Variants in SPATA9 observed in about 807,000 individuals in gnomAD.
The protein encoded by SPATA9 is spermatogenesis associated 9.
A neutral mutation model predicts 25.5 loss-of-function variants in SPATA9; 27 were observed. The ratio of observed to expected loss-of-function variants is 1.06; its 90% confidence interval spans 0.78 to 1.46. The LOEUF is 1.46. Among genes scored for constraint, SPATA9 ranks in the 40% most tolerant of loss-of-function variants. The pLI, the probability that SPATA9 is intolerant of heterozygous loss-of-function variation, is 0.00. For missense variants in SPATA9, 282 were observed against 297.5 expected (o/e 0.95, Z 0.38); for synonymous variants, 102 against 105.7 (o/e 0.97, Z 0.21).
intron 1 of SPATA9, among the ~76,000 whole-genome samples, chr5:95,693,633 T>C (rs575099871): frequency 1.3e-5 from 2 of 152,344 alleles, no homozygotes; most frequent in African/African-American, 4.8e-5. Context: ...GAATGTTTGA[T>C]ACCTGCATTC....
downstream of SPATA9, chr5:95,652,310 C>A: frequency 6.5e-7 from 1 of 1,550,370 alleles, no homozygotes; most frequent in Non-Finnish European, 8.7e-7. Flanking sequence ...GACCTTCTTC[C>A]TTATCTACAC....
At chr5:95,687,813 A>C (rs1415225830), upstream of SPATA9, among the ~76,000 whole-genome samples, 1 of 152,194 alleles carries the variant, frequency 6.6e-6, no homozygotes, top group African/African-American at 2.4e-5. Flanking sequence ...TGTTTCCCCT[A>C]TCAGATTATA....
At position 95,663,953 on chromosome 5, in the gene SPATA9, CAAAT is replaced by C; in HGVS notation, c.470_473del (p.Tyr157TrpfsTer9). The C allele has an allele frequency of 6.6e-7, 1 of 1,507,314 alleles. No individual in the cohort carries two copies. The highest frequency in any genetic ancestry group is 9.0e-7 in the Non-Finnish European group (1 of 1,114,850). The allele number at this position is 1,507,314 out of a possible 1,614,324, so 93.4% of individuals were successfully genotyped here. A position where few individuals can be genotyped will look rare whatever the true frequency, so the allele number is the denominator to read the frequency against. ...GATTCTAATAATTTTCTTAACTTACCAAATAAATTAGTGCTGCATATGAAGCATA... is the reference window on the plus strand; with the variant it reads ...GATTCTAATAATTTTCTTAACTTACCAAATTAGTGCTGCATATGAAGCATA... On this transcript the variant is annotated frameshift_variant and splice_region_variant, in exon 4 of 5. Transcript: ENST00000274432. LOFTEE classifies it high-confidence loss of function.
intron 2 of SPATA9, among the ~76,000 whole-genome samples, chr5:95,678,457 C>T (rs756183520): frequency 2.6e-5 from 4 of 152,144 alleles, no homozygotes; most frequent in Non-Finnish European, 5.9e-5. Context: ...CCAGGAAGAA[C>T]GATTTAGTAA....
At chr5:95,723,325 C>T in the SPATA9 span, among the ~76,000 whole-genome samples, 1 of 152,376 alleles carries the variant, frequency 6.6e-6, no homozygotes, top group Non-Finnish European at 1.5e-5. Flanking sequence ...TCTAGATTCT[C>T]ACTTGGACTT....
chr5:95,670,615 T>A (rs918373234), intron 3 of SPATA9: 9 of 153,036 alleles, frequency 5.9e-5, no homozygotes, highest in African/African-American at 1.9e-4. Context: ...CTTTCACCCC[T>A]TTTACTTCCC....
intron 1 of SPATA9, chr5:95,698,534 G>A (rs1754096892): frequency 6.6e-6 from 1 of 152,112 alleles, no homozygotes; most frequent in Non-Finnish European, 1.5e-5. Context: ...CACTCCTAAG[G>A]GCACCAATGT....
At chr5:95,705,579 T>G in the SPATA9 span, among the ~76,000 whole-genome samples, 1 of 152,198 alleles carries the variant, frequency 6.6e-6, no homozygotes, top group African/African-American at 2.4e-5. Flanking sequence ...GGTAATAATG[T>G]GTATGAAGTA....
At chr5:95,729,437 G>A in the SPATA9 span, among the ~76,000 whole-genome samples, 3 of 152,068 alleles carry the variant, frequency 2.0e-5, no homozygotes, top group South Asian at 6.2e-4. Flanking sequence ...CAACTTTGGT[G>A]TCTATTTTTG....
At chr5:95,688,267 C>T (rs776469580) in intron 1 of SPATA9, among the ~76,000 whole-genome samples, 4 of 152,068 alleles carry the variant, frequency 2.6e-5, no homozygotes, top group Non-Finnish European at 5.9e-5. Context: ...TTTTGTGAGA[C>T]AGCATCTCTC....
At chr5:95,719,943 G>T in the SPATA9 span, among the ~76,000 whole-genome samples, 1 of 152,188 alleles carries the variant, frequency 6.6e-6, no homozygotes, top group Non-Finnish European at 1.5e-5. Flanking sequence ...TGTACTCCAG[G>T]TGCTTAAAAA....
rs1233906118 is a variant in SPATA9, at chr5:95,696,246, C to A, written n.124+2342G>T. ...TATCAACTGTTTTAAGCTGCTAAAT[C>A]TTGTGGTAATTTTTACATAGTAAAA... On this transcript the variant is annotated intron_variant and non_coding_transcript_variant, in intron 1 of 2. Transcript: ENST00000379990. Among the ~76,000 whole-genome samples the A allele has an allele frequency of 2.0e-5, 3 of 152,132 alleles. 1 individual carries two copies. Among genetic ancestry groups the A allele is most frequent in the South Asian group, 4.2e-4 (2 of 4,818 alleles).
chr5:95,730,955 C>T, the SPATA9 span: 8 of 495,278 alleles, frequency 1.6e-5, no homozygotes, highest in African/African-American at 5.9e-5. Context: ...GGGCGGCACT[C>T]GGGCTGGAAT....
upstream of SPATA9, among the ~76,000 whole-genome samples, chr5:95,684,196 T>G (rs1046207358): frequency 1.3e-5 from 2 of 152,134 alleles, no homozygotes; most frequent in East Asian, 3.8e-4. Flanking sequence ...GTGCAATCCA[T>G]CGGTACAAAG....
At chr5:95,654,185 G>T (rs1339127873), downstream of SPATA9, 2 of 1,612,946 alleles carry the variant, frequency 1.2e-6, no homozygotes, top group Admixed American at 1.7e-5. Flanking sequence ...TAGAGAAGTG[G>T]TCATTTTCTA....
intron 3 of SPATA9, among the ~76,000 whole-genome samples, chr5:95,672,286 A>G (rs1377061725): frequency 1.3e-5 from 2 of 152,220 alleles, no homozygotes; most frequent in East Asian, 3.8e-4. Flanking sequence ...ATGAGAGATT[A>G]GAATTCCAGG....
chr5:95,678,295 T>G (rs1753129416), intron 2 of SPATA9, among the ~76,000 whole-genome samples: 1 of 152,164 alleles, frequency 6.6e-6, no homozygotes, highest in Admixed American at 6.6e-5. Flanking sequence ...GAGAATAGCT[T>G]GAACCCAGGA....
the SPATA9 span, among the ~76,000 whole-genome samples, chr5:95,722,174 A>G: frequency 6.6e-6 from 1 of 152,208 alleles, no homozygotes; most frequent in Non-Finnish European, 1.5e-5. Flanking sequence ...GGATGGCCAT[A>G]GCAGAGATGC....
chr5:95,727,115 T>G, the SPATA9 span, among the ~76,000 whole-genome samples: 1 of 152,210 alleles, frequency 6.6e-6, no homozygotes, highest in African/African-American at 2.4e-5. Flanking sequence ...AACCCATCTT[T>G]TTAATGAAAA....
Sources: gnomAD v4.1 joint callset for allele counts (sites outside exome capture counted in the v4.1 genomes callset) on GRCh38, gnomAD v4.1.1 for gene constraint, MANE v1.5 for transcripts, NCBI Gene and HGNC (gene_info 2026-07-23, HGNC 2026-07-21) for gene names.